RAPGEF6: variants seen among roughly 807,000 people sequenced by gnomAD.
RAPGEF6 encodes the protein PDZ domain containing guanine nucleotide exchange factor (GEF) 2.
A neutral mutation model predicts 171.4 loss-of-function variants in RAPGEF6; 56 were observed. That is an observed-to-expected ratio of 0.33 (90% CI 0.26 to 0.41). The LOEUF (loss-of-function observed/expected upper bound fraction) is 0.41, where lower values mean the gene tolerates loss of function less well. Ranked by LOEUF, RAPGEF6 falls within the 10% of genes least tolerant of loss-of-function variation. RAPGEF6 has a pLI of 1.00. For synonymous variants in RAPGEF6, 692 were observed against 650.1 expected (o/e 1.06, Z -0.98); for missense variants, 1,674 against 1,921.4 (o/e 0.87, Z 2.41).
intron 3 of RAPGEF6, among the ~76,000 whole-genome samples, chr5:131,598,570 T>C (rs1348763996): frequency 1.3e-5 from 2 of 152,104 alleles, no homozygotes; most frequent in Admixed American, 1.3e-4. Context: ...AAAAAACATA[T>C]TAACTGCAAA....
At position 131,429,006 on chromosome 5, in the gene RAPGEF6, A is replaced by T. The variant is rs1064539; in HGVS notation, c.4676T>A (p.Val1559Glu). ...LPPASLSSNLVACVPSKIVTQ... is the reference protein window; with the variant it reads ...LPPASLSSNLEACVPSKIVTQ... ...TACAATCTTCGATGGAACACAGGCC[A>T]CGAGGTTGCTACTGAGAGAAGCTGG... Residue 1559 changes from valine (V) to glutamate (E), a missense_variant, in exon 27 of 28, where the codon GTG (valine) becomes GAG (glutamate). By Grantham distance (121) the Val-to-Glu change is moderately radical. Coordinates refer to ENST00000509018, the MANE Select transcript of RAPGEF6 (RefSeq NM_016340.6). The T allele has an allele frequency of 9.3e-3, 15,040 of 1,614,196 alleles. 81 individuals carry two copies. Among genetic ancestry groups the T allele is most frequent in the Non-Finnish European group, 0.012 (13,658 of 1,180,016 alleles).
intron 18 of RAPGEF6, among the ~76,000 whole-genome samples, chr5:131,462,942 T>G (rs1561483665): frequency 2.0e-5 from 3 of 152,330 alleles, no homozygotes; most frequent in South Asian, 4.1e-4. Flanking sequence ...CTGAAACTCA[T>G]TATGCTATAT....
At chr5:131,472,416 G>T in intron 17 of RAPGEF6, 171 bp downstream of exon 17, 1 of 791,916 alleles carries the variant, frequency 1.3e-6, no homozygotes, top group Non-Finnish European at 2.1e-6. Context: ...TTTAGAGGAA[G>T]TACCATTCAA....
intron 1 of RAPGEF6, among the ~76,000 whole-genome samples, chr5:131,606,365 A>G (rs372635432): frequency 1.3e-3 from 9 of 7,158 alleles, no homozygotes; most frequent in South Asian, 0.01. Context: ...ATCTCAAGGG[A>G]AAAAAAAAAA....
At chr5:131,535,814 T>C (rs1328378175) in intron 6 of RAPGEF6, among the ~76,000 whole-genome samples, 9 of 152,132 alleles carry the variant, frequency 5.9e-5, no homozygotes, top group Admixed American at 5.2e-4. Flanking sequence ...GTTCTGATAG[T>C]TACTAAACTA....
chr5:131,614,281 CAAAAAAAA>C (rs386404987), intron 1 of RAPGEF6, among the ~76,000 whole-genome samples: 6,411 of 81,440 alleles, frequency 0.079, 193 homozygotes, highest in Admixed American at 0.14. Flanking sequence ...GACTCTGTCT[CAAAAAAAA>C]AAAAAAAAAA....
intron 16 of RAPGEF6, among the ~76,000 whole-genome samples, chr5:131,478,507 C>A (rs1755259039): frequency 6.6e-6 from 1 of 152,192 alleles, no homozygotes; most frequent in African/African-American, 2.4e-5. Flanking sequence ...TAACCTACTT[C>A]TCTTGCTCTG....
At chr5:131,621,554 T>C (rs536029116) in intron 1 of RAPGEF6, among the ~76,000 whole-genome samples, 17 of 152,174 alleles carry the variant, frequency 1.1e-4, no homozygotes, top group Non-Finnish European at 2.1e-4. Context: ...CAGCCCCCAA[T>C]GTTTTGGGAT....
intron 6 of RAPGEF6, among the ~76,000 whole-genome samples, chr5:131,529,484 AAT>A (rs1561539372): frequency 1.3e-5 from 2 of 148,658 alleles, no homozygotes; most frequent in Non-Finnish European, 3.0e-5. Context: ...AAAAAAAAAA[AAT>A]AATAATCTCA....
chr5:131,509,270 G>A (rs1469079299), intron 8 of RAPGEF6, among the ~76,000 whole-genome samples: 6 of 152,084 alleles, frequency 3.9e-5, no homozygotes, highest in African/African-American at 7.2e-5. Context: ...ATGGTCAGGC[G>A]TGGTGGCTCA....
intron 3 of RAPGEF6, among the ~76,000 whole-genome samples, chr5:131,600,729 G>C (rs1331709383): frequency 6.6e-6 from 1 of 152,046 alleles, no homozygotes; most frequent in African/African-American, 2.4e-5. Context: ...TTAAAATTAA[G>C]AAAAATGAAT....
At chr5:131,463,692 T>C (rs767455735) in intron 18 of RAPGEF6, 94 of 923,056 alleles carry the variant, frequency 1.0e-4, no homozygotes, top group Non-Finnish European at 1.2e-4. Context: ...TGCATATTCA[T>C]TAAAGGAAAA....
Position 131,426,894 on chromosome 5 carries a change from A to G in RAPGEF6, c.*372T>C, listed in dbSNP as rs1017283869. On this transcript the variant is annotated 3_prime_UTR_variant, in exon 28 of 28. Coordinates refer to ENST00000509018, the MANE Select transcript of RAPGEF6 (RefSeq NM_016340.6). ...CAATTTCAATTTGTCCTTCAGCCCA[A>G]GCTATGGCTTGGAAATAATAATGCC... is the stretch of plus-strand genomic sequence containing the variant. 1 of 201,888 alleles carries G rather than the reference A, an allele frequency of 5.0e-6. No homozygotes were observed. Among genetic ancestry groups the G allele is most frequent in the Admixed American group, 6.0e-5 (1 of 16,536 alleles). The allele number at this position is 201,888 out of a possible 1,614,324, so 12.5% of individuals were successfully genotyped here. A position where few individuals can be genotyped will look rare whatever the true frequency, so the allele number is the denominator to read the frequency against.
At chr5:131,457,040 G>C (rs1753559562) in intron 19 of RAPGEF6, among the ~76,000 whole-genome samples, 1 of 152,182 alleles carries the variant, frequency 6.6e-6, no homozygotes, top group Admixed American at 6.5e-5. Flanking sequence ...TTTCTGCCCT[G>C]AGGTTAAAAA....
chr5:131,453,056 C>G lies in RAPGEF6; in HGVS notation c.3198G>C (p.Gln1066His), dbSNP rs775118952. Residue 1066 changes from glutamine (Q) to histidine (H), a missense_variant and splice_region_variant, in exon 21 of 28, where the codon CAG (glutamine) becomes CAC (histidine). This residue lies in a region of RAPGEF6 where 1,116 missense variants were observed against 1,321.5 expected (regional missense o/e 0.84). Coordinates refer to ENST00000509018, the MANE Select transcript of RAPGEF6 (RefSeq NM_016340.6). ...ANMDPAMMFR[Q>H]RSLSQGSTNS... ...TTTTACATATTTCAATGTCCTACCT[C>G]TGTCGAAACATCATAGCTGGGTCCA... 6.2e-7 allele frequency: 1 copy of G among 1,612,874 alleles called. No individual in the cohort carries two copies. The highest frequency in any genetic ancestry group is 8.5e-7 in the Non-Finnish European group (1 of 1,179,246).
chr5:131,587,273 G>A (rs1763306680), intron 4 of RAPGEF6, among the ~76,000 whole-genome samples: 4 of 152,110 alleles, frequency 2.6e-5, no homozygotes, highest in African/African-American at 9.7e-5. Flanking sequence ...ATCCACATGT[G>A]CATCTAATAT....
At chr5:131,473,183 T>C (rs959748186) in intron 16 of RAPGEF6, among the ~76,000 whole-genome samples, 11 of 152,154 alleles carry the variant, frequency 7.2e-5, no homozygotes, top group African/African-American at 2.7e-4. Flanking sequence ...AGAGTCTACA[T>C]TCAAACCAAA....
At chr5:131,527,513 C>A (rs1446854556) in intron 6 of RAPGEF6, among the ~76,000 whole-genome samples, 3 of 152,012 alleles carry the variant, frequency 2.0e-5, no homozygotes, top group Non-Finnish European at 4.4e-5. Context: ...TGAGGAGTAG[C>A]CACTTTGGGG....
chr5:131,532,881 T>G (rs545816429), intron 6 of RAPGEF6: 1 of 152,772 alleles, frequency 6.5e-6, no homozygotes, highest in African/African-American at 2.4e-5. Flanking sequence ...TTAAACATTT[T>G]TATATAATAT....
Sources: allele counts gnomAD v4.1 joint callset (sites outside exome capture counted in the v4.1 genomes callset), GRCh38; gene constraint gnomAD v4.1.1; regional missense constraint gnomAD v4.1.1; transcripts MANE v1.5; gene names NCBI Gene and HGNC (gene_info 2026-07-23, HGNC 2026-07-21).